Variants in PDE9A observed in about 807,000 individuals in gnomAD.
The protein encoded by PDE9A is high affinity cGMP-specific 3',5'-cyclic phosphodiesterase 9A.
Under a neutral mutation model 87.4 loss-of-function variants are expected in PDE9A, and 60 were observed. The ratio of observed to expected loss-of-function variants is 0.69; its 90% confidence interval spans 0.56 to 0.85. PDE9A has a LOEUF of 0.85. PDE9A is among the 40% of genes least tolerant of loss of function. PDE9A has a pLI of 0.00. For missense variants in PDE9A, 665 were observed against 779.0 expected, an observed-to-expected ratio of 0.85 and a Z score of 1.74; for synonymous variants, 272 against 279.4, an observed-to-expected ratio of 0.97 and a Z score of 0.27.
intron 3 of PDE9A, among the ~76,000 whole-genome samples, chr21:42,693,392 G>A (rs528376104): frequency 1.3e-5 from 2 of 150,052 alleles, no homozygotes; most frequent in South Asian, 2.1e-4. Context: ...TCTGCCTTCC[G>A]GGTTCACGCC....
At chr21:42,774,617 C>T (rs2057344339) in intron 19 of PDE9A, among the ~76,000 whole-genome samples, 1 of 152,024 alleles carries the variant, frequency 6.6e-6, no homozygotes, top group Non-Finnish European at 1.5e-5. Flanking sequence ...CACGGTGGTT[C>T]ACACCTGTAA....
At chr21:42,737,271 G>A (rs1042822554) in intron 7 of PDE9A, among the ~76,000 whole-genome samples, 13 of 152,224 alleles carry the variant, frequency 8.5e-5, no homozygotes, top group Admixed American at 3.9e-4. Flanking sequence ...AGAGAAAGGT[G>A]CACATGCACT....
intron 8 of PDE9A, among the ~76,000 whole-genome samples, chr21:42,746,483 G>A (rs1351953778): frequency 2.0e-5 from 3 of 152,092 alleles, no homozygotes; most frequent in Admixed American, 6.5e-5. Flanking sequence ...TCTTCACCTG[G>A]TGCTCCCATC....
intron 1 of PDE9A, among the ~76,000 whole-genome samples, chr21:42,672,664 GCC>G (rs2058626613): frequency 6.6e-6 from 1 of 152,246 alleles, no homozygotes; most frequent in Non-Finnish European, 1.5e-5. Flanking sequence ...GAGAAAACTG[GCC>G]TAAACCACAG....
chr21:42,712,943 A>C (rs1191438210), intron 4 of PDE9A, among the ~76,000 whole-genome samples: 1 of 152,160 alleles, frequency 6.6e-6, no homozygotes, highest in African/African-American at 2.4e-5. Flanking sequence ...ATTGATTTTC[A>C]AATGTTAAAA....
intron 18 of PDE9A, among the ~76,000 whole-genome samples, chr21:42,771,960 C>T (rs2057058508): frequency 6.6e-6 from 1 of 152,212 alleles, no homozygotes; most frequent in South Asian, 2.1e-4. Context: ...CACTCCACAA[C>T]CCCGCAAGAG....
chr21:42,775,458 A>C lies in PDE9A; in HGVS notation c.*165A>C, dbSNP rs2057417294. On this transcript the variant is annotated 3_prime_UTR_variant, in exon 20 of 20. Coordinates refer to ENST00000291539, the MANE Select transcript of PDE9A (RefSeq NM_002606.3). ...AAAAAAAAGGAATTCATGATGCTGT[A>C]CAGAATTTTATTTTTAAACTGTCTT... 3.7e-6 allele frequency: 2 copies of C among 541,056 alleles called. No homozygotes were observed. Among genetic ancestry groups the C allele is most frequent in the African/African-American group, 3.9e-5 (2 of 50,740 alleles). 33.5% of individuals were successfully genotyped at this position (541,056 alleles called of 1,614,324 possible). A position where few individuals can be genotyped will look rare whatever the true frequency, so the allele number is the denominator to read the frequency against.
intron 1 of PDE9A, among the ~76,000 whole-genome samples, chr21:42,681,588 T>C (rs1444645588): frequency 1.3e-5 from 2 of 152,178 alleles, no homozygotes; most frequent in Non-Finnish European, 1.5e-5. Flanking sequence ...CATTCCCAGG[T>C]CTCAGCTGAT....
chr21:42,771,848 C>T (rs776834638), intron 18 of PDE9A, among the ~76,000 whole-genome samples: 19 of 152,252 alleles, frequency 1.2e-4, no homozygotes, highest in Admixed American at 3.3e-4. Flanking sequence ...CCTGACTTCT[C>T]CAGTTGATGT....
chr21:42,664,220 T>A (rs1280383810), intron 1 of PDE9A, among the ~76,000 whole-genome samples: 1 of 152,020 alleles, frequency 6.6e-6, no homozygotes, highest in Non-Finnish European at 1.5e-5. Flanking sequence ...CAAGAGGGAG[T>A]CTTTGTGTTC....
intron 9 of PDE9A, among the ~76,000 whole-genome samples, chr21:42,753,552 C>T (rs375988240): frequency 2.6e-5 from 4 of 152,118 alleles, no homozygotes; most frequent in Admixed American, 6.5e-5. Flanking sequence ...GTGAGTCTGA[C>T]GCAGGTGCCT....
intron 4 of PDE9A, among the ~76,000 whole-genome samples, chr21:42,699,245 C>T (rs1354475004): frequency 6.6e-6 from 1 of 152,204 alleles, no homozygotes; most frequent in Non-Finnish European, 1.5e-5. Flanking sequence ...CCTTTCTAAC[C>T]CCAGGGAGAA....
At position 42,694,105 on chromosome 21, in the gene PDE9A, C is replaced by T. The variant is rs995155948; in HGVS notation, c.219-4863C>T. On this transcript the variant is annotated intron_variant, in intron 3 of 19. Transcript: ENST00000291539. This position sits in a 1 kb window ranked among gnomAD's most constrained non-coding sequence, Gnocchi z 5.3. The stretch of plus-strand genomic sequence containing the variant: ...TATGTCTACCAGACCCAGGGCCTTC[C>T]CTTGCTGAAACATGCTGGGTAAACT... 6.6e-6 allele frequency among the ~76,000 whole-genome samples: 1 copy of T among 152,226 alleles called. No homozygotes were observed. The highest frequency in any genetic ancestry group is 6.5e-5 in the Admixed American group (1 of 15,288).
intron 17 of PDE9A, among the ~76,000 whole-genome samples, chr21:42,770,049 A>T (rs1418295600): frequency 6.6e-6 from 1 of 150,768 alleles, no homozygotes. Context: ...CCAGTTCCTC[A>T]CCTGTGGAGG....
At chr21:42,747,369 G>A (rs1046688053) in intron 8 of PDE9A, among the ~76,000 whole-genome samples, 2 of 152,196 alleles carry the variant, frequency 1.3e-5, no homozygotes, top group South Asian at 4.1e-4. Context: ...CAGCGTTCTT[G>A]CCTCTGGGAA....
chr21:42,664,113 G>A (rs1398500987), intron 1 of PDE9A, among the ~76,000 whole-genome samples: 4 of 152,224 alleles, frequency 2.6e-5, no homozygotes, highest in Admixed American at 2.6e-4. Context: ...CCTGCCCCTC[G>A]GAGTGCCAGG....
chr21:42,742,193 T>G (rs567671292), intron 7 of PDE9A, among the ~76,000 whole-genome samples: 5 of 152,274 alleles, frequency 3.3e-5, no homozygotes, highest in African/African-American at 1.2e-4. Context: ...GCAGTGGGAC[T>G]CTGTAACTGC....
At position 42,705,324 on chromosome 21, in the gene PDE9A, A is replaced by G. The variant is rs1309329146; in HGVS notation, c.262+6313A>G. On this transcript the variant is annotated intron_variant, in intron 4 of 19. Transcript: ENST00000291539. The surrounding 1 kb of genome is among the most constrained non-coding windows in gnomAD (Gnocchi z 4.3). ...GTGCTGATTTTTTGGAAAATCCTTG[A>G]GCCTCAATCACTTTTATTTGATGTA... Among the ~76,000 whole-genome samples, 1 of 152,228 alleles carries G rather than the reference A, an allele frequency of 6.6e-6. No individual in the cohort carries two copies. Among genetic ancestry groups the G allele is most frequent in the Non-Finnish European group, 1.5e-5 (1 of 68,054 alleles).
chr21:42,688,339 G>C (rs923947786), intron 3 of PDE9A, among the ~76,000 whole-genome samples: 20 of 152,156 alleles, frequency 1.3e-4, no homozygotes, highest in African/African-American at 4.8e-4. Context: ...GACCTCGGGA[G>C]ATTCCCTACA....
Sources: gnomAD v4.1 joint callset for allele counts (sites outside exome capture counted in the v4.1 genomes callset) on GRCh38, gnomAD v4.1.1 for gene constraint, Gnocchi (gnomAD v3.1) non-coding constraint, MANE v1.5 for transcripts, NCBI Gene and HGNC (gene_info 2026-07-23, HGNC 2026-07-21) for gene names.